Variants in PXDNL observed in about 807,000 individuals in gnomAD.
PXDNL encodes the protein peroxidasin like.
Under a neutral mutation model 150.8 loss-of-function variants are expected in PXDNL, and 145 were observed. The ratio of observed to expected loss-of-function variants is 0.96; its 90% CI spans 0.84 to 1.10. The LOEUF is 1.10. Among genes scored for constraint, PXDNL ranks in the 50% least tolerant of loss-of-function variants. The pLI is 0.00. For missense variants in PXDNL, 2,087 were observed against 1,873.9 expected (o/e 1.11, Z -2.10); for synonymous variants, 757 against 725.7 (o/e 1.04, Z -0.69).
In PXDNL at chr8:51,611,030, T is replaced by C. The variant is rs1018446117; in HGVS notation, c.237-18332A>G. Among the ~76,000 whole-genome samples, 3 of 152,200 alleles carry C rather than the reference T, an allele frequency of 2.0e-5. 1 individual carries two copies. The highest frequency in any genetic ancestry group is 6.5e-5 in the Admixed American group (1 of 15,282). On this transcript the variant is annotated intron_variant, in intron 2 of 22. Transcript: ENST00000356297. Reference sequence around the variant, plus strand: ...AGTGACATGAGTGATGCCCATCATATGCAGAGGCCCCGTCCACATTCCAGG... The same window carrying C: ...AGTGACATGAGTGATGCCCATCATACGCAGAGGCCCCGTCCACATTCCAGG...
intron 21 of PXDNL, among the ~76,000 whole-genome samples, chr8:51,323,951 A>T (rs953056702): frequency 5.4e-5 from 7 of 129,714 alleles, no homozygotes; most frequent in East Asian, 2.0e-4. Flanking sequence ...AAAAAAATAA[A>T]AAAAAAAAGA....
intron 3 of PXDNL, among the ~76,000 whole-genome samples, chr8:51,565,321 A>AATAGATAGATAGATAGATAGATAG (rs367721031): frequency 1.3e-4 from 18 of 135,596 alleles, no homozygotes; most frequent in African/African-American, 4.5e-4. Flanking sequence ...TAAATAAATA[A>AATAGATAGATAGATAGATAGATAG]ATAGATAGAT....
intron 17 of PXDNL, among the ~76,000 whole-genome samples, chr8:51,393,081 T>C (rs1201393046): frequency 6.6e-6 from 1 of 152,232 alleles, no homozygotes; most frequent in East Asian, 1.9e-4. Context: ...ATACATTTTA[T>C]GTGAATGTCA....
intron 1 of PXDNL, among the ~76,000 whole-genome samples, chr8:51,725,520 A>G (rs541045652): frequency 1.3e-5 from 2 of 152,342 alleles, no homozygotes; most frequent in South Asian, 4.1e-4. Context: ...GGCTTCTATG[A>G]TAAGAACACA....
intron 3 of PXDNL, among the ~76,000 whole-genome samples, chr8:51,586,416 T>C (rs1299178881): frequency 6.6e-6 from 1 of 152,170 alleles, no homozygotes; most frequent in Non-Finnish European, 1.5e-5. Flanking sequence ...TAGAAATGCT[T>C]GATTGTTTTA....
chr8:51,526,579 G>T, intron 4 of PXDNL, among the ~76,000 whole-genome samples: 1 of 152,096 alleles, frequency 6.6e-6, no homozygotes. Flanking sequence ...ACCTCCTCCT[G>T]CCTCTGTATT....
intron 1 of PXDNL, among the ~76,000 whole-genome samples, chr8:51,718,930 G>A (rs947275881): frequency 1.5e-4 from 23 of 151,794 alleles, no homozygotes; most frequent in South Asian, 8.3e-4. Flanking sequence ...CAGCCGCCCC[G>A]TCCGGGAGGG....
chr8:51,627,514 A>C (rs28529689), intron 2 of PXDNL, among the ~76,000 whole-genome samples: 2,201 of 152,296 alleles, frequency 0.014, 18 homozygotes, highest in East Asian at 0.041. Context: ...AGAAGATAAA[A>C]TGTCAGAATA....
At chr8:51,504,436 A>T (rs1225429024) in intron 4 of PXDNL, among the ~76,000 whole-genome samples, 1 of 152,098 alleles carries the variant, frequency 6.6e-6, no homozygotes, top group East Asian at 1.9e-4. Flanking sequence ...TGCCTACAGC[A>T]GTCTCTGAAT....
intron 1 of PXDNL, among the ~76,000 whole-genome samples, chr8:51,695,847 T>G (rs1011257269): frequency 2.0e-5 from 3 of 152,192 alleles, no homozygotes; most frequent in African/African-American, 7.2e-5. Context: ...GGTTATTTGA[T>G]CTCTAACTCC....
intron 12 of PXDNL, among the ~76,000 whole-genome samples, chr8:51,441,232 C>T (rs534989303): frequency 6.6e-6 from 1 of 152,292 alleles, no homozygotes; most frequent in South Asian, 2.1e-4. Context: ...TGTAAGTTTC[C>T]TGAGGCCTCC....
rs538530070 is a variant in PXDNL, at chr8:51,469,985, T to C, written c.812+2202A>G. ...CCTTTCAAATACATCTTAGCTTCTT[T>C]AGTCACTATATTTGAAACTTTTATG... On this transcript the variant is annotated intron_variant, in intron 8 of 22. Coordinates refer to ENST00000356297, the MANE Select transcript of PXDNL (RefSeq NM_144651.5). Among the ~76,000 whole-genome samples the C allele has an allele frequency of 2.0e-5, 3 of 152,262 alleles. No homozygotes were observed. The South Asian group carries it at 6.2e-4, about 32-fold the overall frequency.
chr8:51,512,066 C>G (rs1027494580), intron 4 of PXDNL, among the ~76,000 whole-genome samples: 1 of 152,094 alleles, frequency 6.6e-6, no homozygotes, highest in African/African-American at 2.4e-5. Flanking sequence ...CAGATCAGAC[C>G]GCTCCCTCTG....
chr8:51,433,209 A>AAT (rs1809299707), intron 12 of PXDNL, among the ~76,000 whole-genome samples: 9 of 144,152 alleles, frequency 6.2e-5, no homozygotes, highest in African/African-American at 1.3e-4. Flanking sequence ...ACTCTATCTC[A>AAT]AATAATAATA....
In PXDNL at chr8:51,668,037, G is replaced by A. The variant is rs74722721; in HGVS notation, c.165-13277C>T. ...CACAATTTCTGATGTCACAGGTGAG[G>A]AATTCTTGTACCAACACCAGAATTT... is the stretch of plus-strand genomic sequence containing the variant. On this transcript the variant is annotated intron_variant, in intron 1 of 22. Coordinates refer to ENST00000356297, the MANE Select transcript of PXDNL (RefSeq NM_144651.5). Among the ~76,000 whole-genome samples the A allele has an allele frequency of 3.3e-3, 509 of 152,154 alleles. 1 individual carries two copies. Among genetic ancestry groups the A allele is most frequent in the Non-Finnish European group, 5.7e-3 (389 of 68,016 alleles).
At chr8:51,806,026 T>C (rs546174426) in intron 1 of PXDNL, among the ~76,000 whole-genome samples, 15 of 152,216 alleles carry the variant, frequency 9.9e-5, no homozygotes, top group Non-Finnish European at 1.9e-4. Context: ...GAGTGAGATT[T>C]TCTCAATGGC....
chr8:51,480,803 T>C (rs1444258143), intron 6 of PXDNL, among the ~76,000 whole-genome samples: 5 of 152,200 alleles, frequency 3.3e-5, no homozygotes, highest in African/African-American at 9.7e-5. Flanking sequence ...CCTGCTGCCA[T>C]GTAAGATATT....
intron 5 of PXDNL, among the ~76,000 whole-genome samples, chr8:51,499,412 T>G (rs1293104027): frequency 6.6e-6 from 1 of 152,232 alleles, no homozygotes; most frequent in Non-Finnish European, 1.5e-5. Context: ...ATTACAGGTG[T>G]GAGCCACCTT....
intron 3 of PXDNL, among the ~76,000 whole-genome samples, chr8:51,582,605 C>T (rs1813232300): frequency 6.6e-6 from 1 of 152,148 alleles, no homozygotes; most frequent in Non-Finnish European, 1.5e-5. Context: ...TGCTTAGTAA[C>T]ACTGATATTT....
Sources: gnomAD v4.1 joint callset for allele counts (sites outside exome capture counted in the v4.1 genomes callset) on GRCh38, gnomAD v4.1.1 for gene constraint, MANE v1.5 for transcripts, NCBI Gene and HGNC (gene_info 2026-07-23, HGNC 2026-07-21) for gene names.